Variants in CST3 observed in about 807,000 individuals in gnomAD.
CST3 encodes the protein cystatin C.
CST3 carries 14 observed loss-of-function variants against 9.0 expected under a neutral mutation model. The observed-to-expected ratio is 1.56, with a 90% CI of 1.03 to 2.44. CST3 has a LOEUF of 2.44. Ranked by LOEUF, CST3 falls within the 30% of genes most tolerant of loss-of-function variation. The pLI is 0.00. For missense variants in CST3, 237 were observed against 204.3 expected (o/e 1.16, Z -0.98); for synonymous variants, 96 against 90.2 (o/e 1.06, Z -0.37).
chr20:23,632,336 A>C (rs147011550), downstream of CST3: 1 of 152,120 alleles, frequency 6.6e-6, no homozygotes, highest in Admixed American at 6.5e-5. Flanking sequence ...AACCAGGAGC[A>C]CCTCCCTGCA....
chr20:23,637,601 T>C lies in CST3; in HGVS notation c.243+19A>G. ...ACGGCGGGGCCGGGGCTTCGGACCC[T>C]GCGGGGGGCGGCACGCACCTGCTTG... On this transcript the variant is annotated intron_variant, in intron 1 of 2. Transcript: ENST00000376925. 1 of 1,506,114 alleles carries C rather than the reference T, an allele frequency of 6.6e-7. No individual in the cohort carries two copies. The highest frequency in any genetic ancestry group is 1.5e-5 in the African/African-American group (1 of 68,912). 93.3% of individuals were successfully genotyped at this position (1,506,114 alleles called of 1,614,324 possible).
Position 23,637,663 on chromosome 20 carries a change from A to G in CST3, c.200T>C (p.Met67Thr), listed in dbSNP as rs373177867. ...VGEYNKASND[M>T]YHSRALQVVR... ...CACCTGCAGCGCGCGGCTGTGGTACATGTCGTTGCTGGCTTTGTTGTACTC... is the reference window on the plus strand; with the variant it reads ...CACCTGCAGCGCGCGGCTGTGGTACGTGTCGTTGCTGGCTTTGTTGTACTC... Residue 67 changes from methionine (M) to threonine (T), a missense_variant, in exon 1 of 3, where the codon ATG (methionine) becomes ACG (threonine). By Grantham distance (81) the Met-to-Thr change is moderately conservative. Transcript: ENST00000376925. The G allele has an allele frequency of 6.5e-7, 1 of 1,535,122 alleles. No individual in the cohort carries two copies. The highest frequency in any genetic ancestry group is 1.4e-5 in the African/African-American group (1 of 70,500).
At chr20:23,627,711 T>C (rs1302484860) in exon 4 of CST3, 3 of 152,326 alleles carry the variant, frequency 2.0e-5, no homozygotes, top group African/African-American at 7.2e-5. Flanking sequence ...ACCACAACCA[T>C]GTAGTGGCTT....
downstream of CST3, chr20:23,633,655 G>A: frequency 3.3e-6 from 2 of 598,186 alleles, no homozygotes; most frequent in Non-Finnish European, 6.0e-6. Flanking sequence ...AACTCAGAGG[G>A]AGCCGATGCT....
intron 1 of CST3, 60 bp from the exon 2 acceptor site, chr20:23,635,427 C>G: frequency 7.0e-7 from 1 of 1,432,536 alleles, no homozygotes; most frequent in Non-Finnish European, 9.7e-7. Flanking sequence ...CTTACACACA[C>G]AGGCACTTCA....
rs1979632607 is a variant in CST3, at chr20:23,635,373, CAT to C, written c.244-8_244-7del. 2.5e-6 allele frequency: 4 copies of C among 1,612,684 alleles called. No homozygotes were observed. Among genetic ancestry groups the C allele is most frequent in the African/African-American group, 2.7e-5 (2 of 74,920 alleles). ...TAGTTCACCCCAGCTACGATCTACA[CAT>C]GTGAAAGAGCAGGAGGCAGGGACAG... On this transcript the variant is annotated splice_region_variant and splice_polypyrimidine_tract_variant and intron_variant, in intron 1 of 2. Transcript: ENST00000376925.
intron 2 of CST3, 73 bp from the exon 3 acceptor site, chr20:23,634,072 T>C (rs1979561463): frequency 2.4e-6 from 3 of 1,236,510 alleles, no homozygotes; most frequent in East Asian, 4.6e-5. Context: ...GCACGGGACA[T>C]CAGAGTGGGA....
At chr20:23,636,631 G>A (rs568458197) in intron 1 of CST3, among the ~76,000 whole-genome samples, 13 of 152,290 alleles carry the variant, frequency 8.5e-5, no homozygotes, top group African/African-American at 1.9e-4. Context: ...AGAGTATTCT[G>A]GGAGGAGGAT....
At chr20:23,634,586 C>T (rs533067431) in intron 2 of CST3, among the ~76,000 whole-genome samples, 5 of 152,164 alleles carry the variant, frequency 3.3e-5, no homozygotes, top group East Asian at 3.9e-4. Flanking sequence ...TCAGCATGGC[C>T]GTGGCTGTGG....
intron 1 of CST3, among the ~76,000 whole-genome samples, chr20:23,635,845 G>C (rs1050222162): frequency 6.6e-6 from 1 of 152,186 alleles, no homozygotes; most frequent in African/African-American, 2.4e-5. Flanking sequence ...CATTCCAGGT[G>C]TGATTTTCAA....
downstream of CST3, among the ~76,000 whole-genome samples, chr20:23,629,756 G>T (rs1420543920): frequency 3.9e-5 from 6 of 152,088 alleles, no homozygotes; most frequent in Admixed American, 3.9e-4. Flanking sequence ...GGGGTGGAAT[G>T]TGAAGGTCAA....
chr20:23,631,527 ACTTT>A (rs1459829699), downstream of CST3, among the ~76,000 whole-genome samples: 1 of 152,072 alleles, frequency 6.6e-6, no homozygotes, highest in Non-Finnish European at 1.5e-5. Context: ...CCCTATTACA[ACTTT>A]CTTTCTAAGA....
downstream of CST3, among the ~76,000 whole-genome samples, chr20:23,630,928 T>G (rs1385633946): frequency 6.6e-6 from 1 of 152,106 alleles, no homozygotes; most frequent in African/African-American, 2.4e-5. Context: ...TGCATAAAAT[T>G]TATTCTACTG....
At chr20:23,636,034 A>T (rs1423172870) in intron 1 of CST3, among the ~76,000 whole-genome samples, 1 of 152,140 alleles carries the variant, frequency 6.6e-6, no homozygotes, top group Non-Finnish European at 1.5e-5. Flanking sequence ...GGAACCACAC[A>T]CAAGTCCTGT....
At chr20:23,635,518 A>G (rs1423816594) in intron 1 of CST3, 151 bp from the exon 2 acceptor site, 5 of 711,422 alleles carry the variant, frequency 7.0e-6, no homozygotes, top group Non-Finnish European at 1.2e-5. Flanking sequence ...CAAGGCACAC[A>G]AGCCACCTCC....
chr20:23,635,545 G>A (rs567554641), intron 1 of CST3, among the ~76,000 whole-genome samples, 178 bp from the exon 2 acceptor site: 1 of 152,216 alleles, frequency 6.6e-6, no homozygotes, highest in Non-Finnish European at 1.5e-5. Context: ...CAGCTGGCAG[G>A]GATGCCATGC....
At chr20:23,627,716 T>A (rs1022764629) in exon 4 of CST3, 2 of 152,240 alleles carry the variant, frequency 1.3e-5, no homozygotes, top group Non-Finnish European at 2.9e-5. Flanking sequence ...AACCATGTAG[T>A]GGCTTTGAAG....
intron 1 of CST3, among the ~76,000 whole-genome samples, chr20:23,635,839 C>A (rs1979651867): frequency 6.6e-6 from 1 of 152,316 alleles, no homozygotes; most frequent in African/African-American, 2.4e-5. Context: ...TGCTTCCATT[C>A]CAGGTGTGAT....
intron 1 of CST3, among the ~76,000 whole-genome samples, 188 bp from the exon 2 acceptor site, chr20:23,635,555 C>T (rs1400766868): frequency 6.6e-6 from 1 of 152,230 alleles, no homozygotes; most frequent in Admixed American, 6.5e-5. Context: ...GGATGCCATG[C>T]CCCAGGCCTC....
Sources: gnomAD v4.1 joint callset for allele counts (sites outside exome capture counted in the v4.1 genomes callset) on GRCh38, gnomAD v4.1.1 for gene constraint, MANE v1.5 for transcripts, NCBI Gene and HGNC (gene_info 2026-07-23, HGNC 2026-07-21) for gene names.